EMP1: variants seen among roughly 807,000 people sequenced by gnomAD.
The protein encoded by EMP1 is tumor-associated membrane protein.
In EMP1, 5 loss-of-function variants were observed where a neutral mutation model predicts 15.7. That is an observed-to-expected ratio of 0.32 (90% confidence interval 0.17 to 0.67). EMP1 has a LOEUF of 0.67. Among genes scored for constraint, EMP1 ranks in the 30% least tolerant of loss-of-function variants. EMP1 has a pLI of 0.74. For synonymous variants in EMP1, 78 were observed against 76.7 expected (o/e 1.02, Z -0.09); for missense variants, 166 against 194.2 (o/e 0.85, Z 0.86).
intron 1 of EMP1, among the ~76,000 whole-genome samples, chr12:13,207,050 T>G (rs1408406213): frequency 6.6e-6 from 1 of 152,116 alleles, no homozygotes; most frequent in East Asian, 1.9e-4. Context: ...TTCCCTTCCC[T>G]CATGTCTCAT....
chr12:13,205,500 A>T (rs909305622), intron 1 of EMP1, among the ~76,000 whole-genome samples: 21 of 152,368 alleles, frequency 1.4e-4, no homozygotes, highest in African/African-American at 5.0e-4. Flanking sequence ...ATGTTAAAAA[A>T]AAAAGGAAAT....
rs1864222424 is a variant in EMP1, at chr12:13,217,150, G to T, written c.*2459G>T. ...TCAAAATATAAAGTGATTCACAAAG[G>T]CATGCATCACACCTATTTGTAGCAG... On this transcript the variant is annotated 3_prime_UTR_variant, in exon 5 of 5. Coordinates refer to ENST00000256951, the MANE Select transcript of EMP1 (RefSeq NM_001423.3). The T allele has an allele frequency of 6.6e-6, 1 of 152,184 alleles. No homozygotes were observed. Among genetic ancestry groups the T allele is most frequent in the Non-Finnish European group, 1.5e-5 (1 of 68,036 alleles). 9.4% of individuals were successfully genotyped at this position (152,184 alleles called of 1,614,324 possible).
chr12:13,199,496 G>C (rs978322267), intron 1 of EMP1: 1 of 152,290 alleles, frequency 6.6e-6, no homozygotes, highest in Non-Finnish European at 1.5e-5. Flanking sequence ...GCCTGGTGGG[G>C]CACATAACTG....
At chr12:13,213,898 G>T in intron 4 of EMP1, 77 bp downstream of exon 4, 1 of 1,583,784 alleles carries the variant, frequency 6.3e-7, no homozygotes, top group Non-Finnish European at 8.6e-7. Flanking sequence ...AACTTGAACA[G>T]ATTAGCACAT....
chr12:13,200,196 C>T (rs1828296075), intron 1 of EMP1, among the ~76,000 whole-genome samples: 1 of 152,156 alleles, frequency 6.6e-6, no homozygotes. Flanking sequence ...GAGGGACACA[C>T]CCAGTGTTGC....
intron 4 of EMP1, chr12:13,214,276 G>A: frequency 1.7e-6 from 1 of 600,744 alleles, no homozygotes; most frequent in Non-Finnish European, 2.9e-6. Context: ...TGGGTGGTAG[G>A]CATGAGGTTC....
intron 1 of EMP1, among the ~76,000 whole-genome samples, chr12:13,209,811 A>C (rs1864148307): frequency 6.6e-6 from 1 of 152,208 alleles, no homozygotes; most frequent in Admixed American, 6.5e-5. Flanking sequence ...AGAACCTGAG[A>C]AAAGCAAAAA....
rs1344671175 is a variant in EMP1 at position 13,215,634 on chromosome 12, T to C, written c.*943T>C. On this transcript the variant is annotated 3_prime_UTR_variant, in exon 5 of 5. Transcript: ENST00000256951. ...ATGGACATGGCTCATTGTAGCACAA[T>C]CCTATTACTCTTCCTCTAACATTTT... 3 of 152,244 alleles carry C rather than the reference T, an allele frequency of 2.0e-5. No individual in the cohort carries two copies. The highest frequency in any genetic ancestry group is 7.2e-5 in the African/African-American group (3 of 41,428). 9.4% of individuals were successfully genotyped at this position (152,244 alleles called of 1,614,324 possible). A position where few individuals can be genotyped will look rare whatever the true frequency, so the allele number is the denominator to read the frequency against.
At chr12:13,201,051 C>T (rs1435633176) in intron 1 of EMP1, among the ~76,000 whole-genome samples, 8 of 152,124 alleles carry the variant, frequency 5.3e-5, no homozygotes, top group Non-Finnish European at 7.4e-5. Context: ...GCCATGTAAC[C>T]ACAGGCGAGA....
chr12:13,205,395 T>C (rs1162380599), intron 1 of EMP1, among the ~76,000 whole-genome samples: 1 of 152,158 alleles, frequency 6.6e-6, no homozygotes, highest in Non-Finnish European at 1.5e-5. Context: ...TATAGAAATA[T>C]ATAACAAAGT....
chr12:13,210,328 T>C (rs546335588), intron 1 of EMP1, among the ~76,000 whole-genome samples: 1 of 152,240 alleles, frequency 6.6e-6, no homozygotes, highest in Non-Finnish European at 1.5e-5. Flanking sequence ...GTGAATAACC[T>C]CAAGCCCTTT....
intron 1 of EMP1, among the ~76,000 whole-genome samples, chr12:13,208,198 A>G (rs1050194730): frequency 1.3e-5 from 2 of 152,212 alleles, no homozygotes; most frequent in African/African-American, 4.8e-5. Context: ...GTGCCTTTGT[A>G]TGAAGCAAGA....
At chr12:13,199,140 G>A (rs1480747512) in intron 1 of EMP1, 1 of 152,392 alleles carries the variant, frequency 6.6e-6, no homozygotes, top group Non-Finnish European at 1.5e-5. Flanking sequence ...GAACCAACTT[G>A]GAGCAAATCA....
At chr12:13,197,216 C>T (rs1252465190) in intron 1 of EMP1, among the ~76,000 whole-genome samples, 1 of 152,164 alleles carries the variant, frequency 6.6e-6, no homozygotes, top group East Asian at 1.9e-4. Flanking sequence ...ATGGAGGAAA[C>T]ACCACACACC....
intron 1 of EMP1, among the ~76,000 whole-genome samples, chr12:13,209,842 G>C (rs985157344): frequency 6.6e-6 from 1 of 152,146 alleles, no homozygotes; most frequent in African/African-American, 2.4e-5. Flanking sequence ...TGTGTGGGGG[G>C]ATTACTAATA....
chr12:13,204,463 C>T (rs1306096514), intron 1 of EMP1, among the ~76,000 whole-genome samples: 2 of 152,144 alleles, frequency 1.3e-5, no homozygotes, highest in Admixed American at 6.5e-5. Context: ...GTGTTACATG[C>T]GCATCCATTT....
At chr12:13,197,435 AT>A (rs373157312) in intron 1 of EMP1, among the ~76,000 whole-genome samples, 1 of 151,744 alleles carries the variant, frequency 6.6e-6, no homozygotes, top group Non-Finnish European at 1.5e-5. Flanking sequence ...AAATTTAAGT[AT>A]TTTTTTTCTC....
At position 13,214,567 on chromosome 12, in the gene EMP1, C is replaced by G; in HGVS notation, c.350C>G (p.Thr117Ser). Residue 117 changes from threonine to serine, a missense_variant, in exon 5 of 5, where the codon ACT becomes AGT. Physicochemically the swap from Thr to Ser is moderately conservative, Grantham distance 58 (BLOSUM62 1). Transcript: ENST00000256951. ...ATTCTTGTGGGGGTGTCCATCTACA[C>G]TAGTCATTATGCGAATCGTGATGGA... is the stretch of plus-strand genomic sequence containing the variant. Reference protein sequence around the residue: ...LCILVGVSIYTSHYANRDGTQ... With the variant: ...LCILVGVSIYSSHYANRDGTQ... 1 of 1,614,084 alleles carries G rather than the reference C, an allele frequency of 6.2e-7. No homozygotes were observed. Among genetic ancestry groups the G allele is most frequent in the Non-Finnish European group, 8.5e-7 (1 of 1,180,004 alleles).
At chr12:13,207,770 G>T (rs1304282450) in intron 1 of EMP1, among the ~76,000 whole-genome samples, 3 of 152,144 alleles carry the variant, frequency 2.0e-5, no homozygotes, top group Non-Finnish European at 4.4e-5. Context: ...CACAGTGGTG[G>T]GTACAGAAAT....
Sources: allele counts gnomAD v4.1 joint callset (sites outside exome capture counted in the v4.1 genomes callset), GRCh38; gene constraint gnomAD v4.1.1; transcripts MANE v1.5; gene names NCBI Gene and HGNC (gene_info 2026-07-23, HGNC 2026-07-21).